Variants in CAST observed in about 807,000 individuals in gnomAD.
CAST encodes the protein calpastatin, also known as MIR583 host.
CAST carries 76 observed loss-of-function variants against 119.6 expected under a neutral mutation model. That is an observed-to-expected ratio of 0.64 (90% CI 0.53 to 0.77). The LOEUF (loss-of-function observed/expected upper bound fraction) is 0.77. Ranked by LOEUF, CAST falls within the 30% of genes least tolerant of loss-of-function variation. The probability of loss-of-function intolerance (pLI) is 0.00; values close to 1 mark genes in which losing one functional copy is unlikely to be tolerated. For synonymous variants in CAST, 319 were observed against 331.6 expected (o/e 0.96, Z 0.41); for missense variants, 953 against 946.5 (o/e 1.01, Z -0.09).
the CAST span, among the ~76,000 whole-genome samples, chr5:96,263,166 A>C: frequency 6.6e-6 from 1 of 152,204 alleles, no homozygotes; most frequent in Non-Finnish European, 1.5e-5. Flanking sequence ...ATATTTTAAA[A>C]GATCCCCAAG....
chr5:96,224,925 C>T, the CAST span, among the ~76,000 whole-genome samples: 1 of 152,180 alleles, frequency 6.6e-6, no homozygotes, highest in Non-Finnish European at 1.5e-5. Flanking sequence ...ATGTGCCCAC[C>T]CCTAAATTAA....
chr5:95,975,080 C>G, the CAST span, among the ~76,000 whole-genome samples: 8 of 152,248 alleles, frequency 5.3e-5, no homozygotes, highest in Non-Finnish European at 1.2e-4. Flanking sequence ...GAGCCTATTA[C>G]CAGCAGCCTT....
chr5:96,134,244 G>A, the CAST span, among the ~76,000 whole-genome samples: 1 of 152,154 alleles, frequency 6.6e-6, no homozygotes, highest in African/African-American at 2.4e-5. Flanking sequence ...AACCAAAACC[G>A]TGTGACAACT....
chr5:96,561,361 A>G (rs1746355840), intron 1 of CAST, among the ~76,000 whole-genome samples: 1 of 131,422 alleles, frequency 7.6e-6, no homozygotes, highest in African/African-American at 2.6e-5. Context: ...ATAATAAAAA[A>G]AAGAAAAAAA....
chr5:96,160,154 A>G, the CAST span, among the ~76,000 whole-genome samples: 2 of 151,972 alleles, frequency 1.3e-5, no homozygotes, highest in Admixed American at 1.3e-4. Flanking sequence ...GAAAAAAAAA[A>G]ATGTAAATGG....
the CAST span, among the ~76,000 whole-genome samples, chr5:96,182,808 G>T: frequency 6.6e-6 from 1 of 152,052 alleles, no homozygotes; most frequent in Non-Finnish European, 1.5e-5. Context: ...GCGGGTGTTT[G>T]TTGCAGCACT....
At chr5:96,261,372 A>G in the CAST span, among the ~76,000 whole-genome samples, 1 of 152,236 alleles carries the variant, frequency 6.6e-6, no homozygotes, top group East Asian at 1.9e-4. Flanking sequence ...AACAGAAGCC[A>G]TGTCTGTGTC....
intron 1 of CAST, among the ~76,000 whole-genome samples, chr5:96,636,542 C>CA (rs11461380): frequency 0.67 from 101,405 of 150,842 alleles, 35,002 homozygotes; most frequent in African/African-American, 0.84. Context: ...TTTTATTTGG[C>CA]AAAAAAAAAT....
At chr5:96,031,919 C>G in the CAST span, among the ~76,000 whole-genome samples, 6,895 of 152,200 alleles carry the variant, frequency 0.045, 217 homozygotes, top group East Asian at 0.17. Context: ...AAGACATCAG[C>G]TAGGACTGCA....
At chr5:96,291,123 A>G in the CAST span, among the ~76,000 whole-genome samples, 1,865 of 152,306 alleles carry the variant, frequency 0.012, 35 homozygotes, top group African/African-American at 0.042. Flanking sequence ...TCCAGACACA[A>G]TCAAACCTTC....
chr5:96,064,852 T>C, the CAST span, among the ~76,000 whole-genome samples: 12 of 152,196 alleles, frequency 7.9e-5, no homozygotes, highest in African/African-American at 2.7e-4. Flanking sequence ...ACATTTATGC[T>C]ACTATATTAT....
chr5:96,052,076 C>T, the CAST span, among the ~76,000 whole-genome samples: 1 of 152,014 alleles, frequency 6.6e-6, no homozygotes, highest in Admixed American at 6.6e-5. Flanking sequence ...CGAGTTATTG[C>T]TGATATCATT....
chr5:95,994,076 C>T, the CAST span, among the ~76,000 whole-genome samples: 1 of 152,080 alleles, frequency 6.6e-6, no homozygotes, highest in Non-Finnish European at 1.5e-5. Context: ...AGTGGGTCTG[C>T]AAAGTGTTCA....
the CAST span, among the ~76,000 whole-genome samples, chr5:96,173,315 T>C: frequency 6.6e-6 from 1 of 152,232 alleles, no homozygotes; most frequent in African/African-American, 2.4e-5. Context: ...TTATTTGCAG[T>C]TGTGAGACTT....
At chr5:96,236,123 ATCTC>A in the CAST span, among the ~76,000 whole-genome samples, 1,575 of 101,042 alleles carry the variant, frequency 0.016, 21 homozygotes, top group African/African-American at 0.04. Context: ...CTATCTATCT[ATCTC>A]TCTATCTATC....
chr5:96,012,356 A>C, the CAST span, among the ~76,000 whole-genome samples: 3 of 152,202 alleles, frequency 2.0e-5, no homozygotes, highest in African/African-American at 4.8e-5. Context: ...AAAGTAAATA[A>C]TTATGCTTTA....
the CAST span, among the ~76,000 whole-genome samples, chr5:96,505,931 C>T: frequency 3.2e-4 from 48 of 152,200 alleles, no homozygotes; most frequent in Non-Finnish European, 1.2e-4. Flanking sequence ...TTCTAGATCC[C>T]TGGGATCAGA....
At chr5:96,384,600 C>G in the CAST span, among the ~76,000 whole-genome samples, 1 of 152,152 alleles carries the variant, frequency 6.6e-6, no homozygotes, top group South Asian at 2.1e-4. Flanking sequence ...GCAGCATTTT[C>G]CACTGGGGCA....
chr5:96,173,631 A>G, the CAST span, among the ~76,000 whole-genome samples: 1 of 152,076 alleles, frequency 6.6e-6, no homozygotes, highest in East Asian at 1.9e-4. Context: ...CATTATATCG[A>G]GGTTTTCTTA....
Sources: allele counts gnomAD v4.1 joint callset (sites outside exome capture counted in the v4.1 genomes callset), GRCh38; gene constraint gnomAD v4.1.1; transcripts MANE v1.5; gene names NCBI Gene and HGNC (gene_info 2026-07-23, HGNC 2026-07-21).